The following PFKFB3 variants were observed in gnomAD, a reference collection of about 807,000 sequenced individuals.
The protein encoded by PFKFB3 is 6-phosphofructo-2-kinase/fructose-2,6-bisphosphatase 3.
PFKFB3 carries 33 observed loss-of-function variants against 68.0 expected under a neutral mutation model. The observed-to-expected ratio is 0.49, with a 90% CI of 0.37 to 0.65. PFKFB3 has a LOEUF of 0.65. Among genes scored for constraint, PFKFB3 ranks in the 30% least tolerant of loss-of-function variants. PFKFB3 has a pLI of 0.00. For missense variants in PFKFB3, 586 were observed against 712.2 expected (o/e 0.82, Z 2.02); for synonymous variants, 315 against 288.2 (o/e 1.09, Z -0.94).
the PFKFB3 span, among the ~76,000 whole-genome samples, chr10:6,261,453 CACTT>C: frequency 6.6e-6 from 1 of 152,200 alleles, no homozygotes; most frequent in Non-Finnish European, 1.5e-5. Flanking sequence ...TGCATGTTCT[CACTT>C]ACAAGTGGGA....
At chr10:6,166,141 C>G (rs1842131948) in intron 1 of PFKFB3, among the ~76,000 whole-genome samples, 3 of 152,086 alleles carry the variant, frequency 2.0e-5, no homozygotes, top group Admixed American at 1.3e-4. Context: ...CCACCACGCC[C>G]AGCTAATTTT....
chr10:6,224,643 G>A, intron 13 of PFKFB3: 1 of 342,426 alleles, frequency 2.9e-6, no homozygotes, highest in Non-Finnish European at 5.7e-6. Flanking sequence ...ACCATGCCCA[G>A]CTAATTTTAA....
chr10:6,174,635 G>C (rs939806600), intron 1 of PFKFB3, among the ~76,000 whole-genome samples: 5 of 152,188 alleles, frequency 3.3e-5, no homozygotes, highest in Non-Finnish European at 5.9e-5. Flanking sequence ...ACTGGCGCAG[G>C]GTGAGAGCCA....
At chr10:6,275,738 C>T in the PFKFB3 span, among the ~76,000 whole-genome samples, 1 of 152,152 alleles carries the variant, frequency 6.6e-6, no homozygotes, top group Non-Finnish European at 1.5e-5. This position sits in a 1 kb window ranked among gnomAD's most constrained non-coding sequence, Gnocchi z 4.9. Context: ...CCTCAGCCTC[C>T]TGAGTAGCTG....
chr10:6,173,730 A>G (rs1842379233), intron 1 of PFKFB3, among the ~76,000 whole-genome samples: 1 of 151,882 alleles, frequency 6.6e-6, no homozygotes, highest in Non-Finnish European at 1.5e-5. Flanking sequence ...GCGGGGGTGC[A>G]GAGAGAGGGA....
At chr10:6,302,787 C>T in the PFKFB3 span, among the ~76,000 whole-genome samples, 1 of 131,692 alleles carries the variant, frequency 7.6e-6, no homozygotes, top group Admixed American at 7.7e-5. Flanking sequence ...CACATATACA[C>T]ATACACATAT....
chr10:6,203,386 G>GGGCCA lies in PFKFB3; in HGVS notation c.76+51_76+55dup, dbSNP rs753208132. ...GTTGCAGGGCGGGCTGCGCCGGGCC[G>GGGCCA]GGCCATTGTGTGGGGCGGCTTTGTG... On this transcript the variant is annotated intron_variant, in intron 1 of 14. Transcript: ENST00000379775. 8 of 1,474,838 alleles carry GGGCCA rather than the reference G, an allele frequency of 5.4e-6. No individual in the cohort carries two copies. The South Asian group carries it at 9.7e-5, about 18-fold the overall frequency. 91.4% of individuals were successfully genotyped at this position (1,474,838 alleles called of 1,614,324 possible). A position where few individuals can be genotyped will look rare whatever the true frequency, so the allele number is the denominator to read the frequency against.
At chr10:6,231,883 G>A (rs888004261) in intron 14 of PFKFB3, among the ~76,000 whole-genome samples, 2 of 151,402 alleles carry the variant, frequency 1.3e-5, no homozygotes, top group Non-Finnish European at 2.9e-5. Context: ...ATCACCTCTC[G>A]GCGGGCACCC....
chr10:6,258,967 C>A (rs1277557790), downstream of PFKFB3, among the ~76,000 whole-genome samples: 1 of 152,188 alleles, frequency 6.6e-6, no homozygotes, highest in Non-Finnish European at 1.5e-5. Context: ...CTGTGTTTAG[C>A]TTTGGGCAGA....
the PFKFB3 span, among the ~76,000 whole-genome samples, chr10:6,263,886 A>C: frequency 6.6e-6 from 1 of 152,178 alleles, no homozygotes; most frequent in Non-Finnish European, 1.5e-5. Flanking sequence ...AAGTTTTGCC[A>C]TGTTGGCCAG....
At chr10:6,283,633 A>G in the PFKFB3 span, among the ~76,000 whole-genome samples, 1 of 150,782 alleles carries the variant, frequency 6.6e-6, no homozygotes, top group South Asian at 2.1e-4. Flanking sequence ...TGGAGAGAGG[A>G]GCTGTAGCCA....
the PFKFB3 span, among the ~76,000 whole-genome samples, chr10:6,308,474 C>T: frequency 6.6e-6 from 1 of 152,160 alleles, no homozygotes; most frequent in Non-Finnish European, 1.5e-5. Context: ...CAAGATCATG[C>T]CACTGCACTC....
At chr10:6,156,964 C>T (rs1841822383) in intron 1 of PFKFB3, among the ~76,000 whole-genome samples, 2 of 151,254 alleles carry the variant, frequency 1.3e-5, no homozygotes, top group Non-Finnish European at 2.9e-5. Flanking sequence ...TGGTGGCAGG[C>T]ACCTGTCATC....
At chr10:6,204,297 T>G (rs965309750) in intron 1 of PFKFB3, among the ~76,000 whole-genome samples, 2 of 152,266 alleles carry the variant, frequency 1.3e-5, no homozygotes, top group Admixed American at 1.3e-4. Flanking sequence ...GGTGCGGTTT[T>G]GCCCAGGTCA....
At chr10:6,243,899 A>AT (rs1464765175) in intron 14 of PFKFB3, among the ~76,000 whole-genome samples, 3 of 151,884 alleles carry the variant, frequency 2.0e-5, no homozygotes, top group Admixed American at 6.6e-5. Context: ...TAATGTTTTT[A>AT]TTTTTTGTAG....
chr10:6,177,385 T>TTTCTTTCTTTC (rs1842513498), intron 1 of PFKFB3, among the ~76,000 whole-genome samples: 3 of 113,174 alleles, frequency 2.7e-5, no homozygotes, highest in East Asian at 2.2e-4. Context: ...TCTTTCTTTC[T>TTTCTTTCTTTC]TTCTTTCTTT....
At chr10:6,291,522 A>G in the PFKFB3 span, among the ~76,000 whole-genome samples, 1 of 151,538 alleles carries the variant, frequency 6.6e-6, no homozygotes, top group Non-Finnish European at 1.5e-5. Flanking sequence ...GCTGCACTCC[A>G]GCCTGGGCAG....
At chr10:6,209,992 T>C (rs1375176330) in intron 1 of PFKFB3, among the ~76,000 whole-genome samples, 12 of 149,850 alleles carry the variant, frequency 8.0e-5, no homozygotes, top group Non-Finnish European at 1.8e-4. Context: ...GACCTTGTGA[T>C]CCGCCCGCCT....
In PFKFB3 at chr10:6,203,142, C is replaced by T. The variant is rs1221482272; in HGVS notation, c.-119C>T. 1 of 1,497,188 alleles carries T rather than the reference C, an allele frequency of 6.7e-7. No individual in the cohort carries two copies. The highest frequency in any genetic ancestry group is 8.9e-7 in the Non-Finnish European group (1 of 1,125,818). 92.7% of individuals were successfully genotyped at this position (1,497,188 alleles called of 1,614,324 possible). ...TTTCCCCTGGCAGCGCAGGAAACGCCCGGCCGCGCGCCGGCGCACGCCCCC... is the reference window on the plus strand; with the variant it reads ...TTTCCCCTGGCAGCGCAGGAAACGCTCGGCCGCGCGCCGGCGCACGCCCCC... On this transcript the variant is annotated 5_prime_UTR_variant, in exon 1 of 15. Transcript: ENST00000379775.
Sources: gnomAD v4.1 joint callset for allele counts (sites outside exome capture counted in the v4.1 genomes callset) on GRCh38, gnomAD v4.1.1 for gene constraint, Gnocchi (gnomAD v3.1) non-coding constraint, MANE v1.5 for transcripts, NCBI Gene and HGNC (gene_info 2026-07-23, HGNC 2026-07-21) for gene names.